The following EPS8 variants were observed in gnomAD, a reference collection of about 807,000 sequenced individuals.
EPS8 encodes EGFR pathway substrate 8, signaling adaptor, also known as epidermal growth factor receptor kinase substrate 8.
EPS8 carries 42 observed loss-of-function variants against 103.8 expected under a neutral mutation model. The observed-to-expected ratio is 0.40, with a 90% CI of 0.32 to 0.52. The LOEUF is 0.52. Among genes scored for constraint, EPS8 ranks in the 20% least tolerant of loss-of-function variants. The pLI is 0.40. For missense variants in EPS8, 969 were observed against 1,005.1 expected (o/e 0.96, Z 0.49); for synonymous variants, 344 against 344.6 (o/e 1.00, Z 0.02).
Position 15,716,049 on chromosome 12 carries a change from A to C in EPS8, c.-21-33077T>G, listed in dbSNP as rs183380336. Among the ~76,000 whole-genome samples, 4 of 152,332 alleles carry C rather than the reference A, an allele frequency of 2.6e-5. No homozygotes were observed. The highest frequency in any genetic ancestry group is 1.3e-4 in the Admixed American group (2 of 15,304). The stretch of plus-strand genomic sequence containing the variant: ...AGAAGAAAACCCTTCAAAACGAAGA[A>C]TATAATCAAAATAAACACTATAATC... On this transcript the variant is annotated intron_variant, in intron 1 of 20. Transcript: ENST00000281172. The surrounding 1 kb of genome is among the most constrained non-coding windows in gnomAD (Gnocchi z 5.0).
rs1328294845 is a variant in EPS8 at position 15,785,501 on chromosome 12, C to A, written c.-22+3660G>T. Among the ~76,000 whole-genome samples the A allele has an allele frequency of 6.6e-6, 1 of 152,090 alleles. No individual in the cohort carries two copies. Among genetic ancestry groups the A allele is most frequent in the Non-Finnish European group, 1.5e-5 (1 of 67,966 alleles). ...AATGATACCTGTGGTAATGAATTAG[C>A]ATTACAGATAAAATGTAAATTCATA... On this transcript the variant is annotated intron_variant, in intron 1 of 20. Transcript: ENST00000281172. This position sits in a 1 kb window ranked among gnomAD's most constrained non-coding sequence, Gnocchi z 4.9.
rs1162899471 is a variant in EPS8 at position 15,776,763 on chromosome 12, T to C, written c.-22+12398A>G. Among the ~76,000 whole-genome samples the C allele has an allele frequency of 6.6e-6, 1 of 152,174 alleles. No individual in the cohort carries two copies. The highest frequency in any genetic ancestry group is 1.5e-5 in the Non-Finnish European group (1 of 68,022). ...AAATGGCTGATGGGTTCTTGAGAATTTTAGCGTTTCCCCTTTTGCTACCGC... is the reference window on the plus strand; with the variant it reads ...AAATGGCTGATGGGTTCTTGAGAATCTTAGCGTTTCCCCTTTTGCTACCGC... On this transcript the variant is annotated intron_variant, in intron 1 of 20. Coordinates refer to ENST00000281172, the MANE Select transcript of EPS8 (RefSeq NM_004447.6). The surrounding 1 kb of genome is among the most constrained non-coding windows in gnomAD (Gnocchi z 4.2).
intron 17 of EPS8, among the ~76,000 whole-genome samples, chr12:15,636,437 C>T (rs925013230): frequency 3.9e-5 from 6 of 152,154 alleles, no homozygotes; most frequent in African/African-American, 1.2e-4. Context: ...GTTGTCTTTA[C>T]AGAGCTGTTA....
intron 14 of EPS8, among the ~76,000 whole-genome samples, chr12:15,647,596 C>T (rs975119199): frequency 6.6e-6 from 1 of 152,140 alleles, no homozygotes; most frequent in Non-Finnish European, 1.5e-5. Flanking sequence ...AAATTATACA[C>T]AGAACATTAT....
intron 1 of EPS8, among the ~76,000 whole-genome samples, chr12:15,741,159 C>A (rs1444611488): frequency 6.6e-6 from 1 of 152,188 alleles, no homozygotes; most frequent in African/African-American, 2.4e-5. Flanking sequence ...AGGTCCAGGA[C>A]CTTGTTCTGT....
chr12:15,784,830 C>T lies in EPS8; in HGVS notation c.-22+4331G>A, dbSNP rs753772528. Among the ~76,000 whole-genome samples, 2 of 151,980 alleles carry T rather than the reference C, an allele frequency of 1.3e-5. No individual in the cohort carries two copies. The highest frequency in any genetic ancestry group is 2.9e-5 in the Non-Finnish European group (2 of 67,952). On this transcript the variant is annotated intron_variant, in intron 1 of 20. Transcript: ENST00000281172. This position sits in a 1 kb window ranked among gnomAD's most constrained non-coding sequence, Gnocchi z 4.0. Reference sequence around the variant, plus strand: ...TAAACCTCAGGAAGACATGGATGAACCTTAAATGTGTATTGCTAAATGAAA... The same window carrying T: ...TAAACCTCAGGAAGACATGGATGAATCTTAAATGTGTATTGCTAAATGAAA...
chr12:15,737,336 G>A (rs1304720149), intron 1 of EPS8, among the ~76,000 whole-genome samples: 2 of 152,142 alleles, frequency 1.3e-5, no homozygotes, highest in Admixed American at 6.5e-5. Context: ...ACTTTAAGAA[G>A]GCTGAAACAA....
At chr12:15,768,847 C>T (rs950069188) in intron 1 of EPS8, among the ~76,000 whole-genome samples, 9 of 152,158 alleles carry the variant, frequency 5.9e-5, no homozygotes, top group African/African-American at 1.4e-4. Flanking sequence ...GTCTGGCACT[C>T]TGCAGATTCT....
At position 15,736,119 on chromosome 12, in the gene EPS8, T is replaced by C. The variant is rs2135999911; in HGVS notation, c.-22+53042A>G. Among the ~76,000 whole-genome samples, 1 of 152,266 alleles carries C rather than the reference T, an allele frequency of 6.6e-6. No individual in the cohort carries two copies. Among genetic ancestry groups the C allele is most frequent in the Non-Finnish European group, 1.5e-5 (1 of 68,016 alleles). On this transcript the variant is annotated intron_variant, in intron 1 of 20. Coordinates refer to ENST00000281172, the MANE Select transcript of EPS8 (RefSeq NM_004447.6). This position sits in a 1 kb window ranked among gnomAD's most constrained non-coding sequence, Gnocchi z 4.2. ...CCAGGCTAGTCTCAAACTCCTGAGC[T>C]CAAGCAATCCTCCTGCCTCAGCCTG...
intron 1 of EPS8, among the ~76,000 whole-genome samples, chr12:15,712,506 AT>A (rs1946478781): frequency 6.6e-6 from 1 of 152,220 alleles, no homozygotes; most frequent in African/African-American, 2.4e-5. Context: ...TATTATGCCC[AT>A]GGATTCCCAA....
At position 15,785,251 on chromosome 12, in the gene EPS8, A is replaced by C. The variant is rs374108192; in HGVS notation, c.-22+3910T>G. Among the ~76,000 whole-genome samples, 63 of 152,150 alleles carry C rather than the reference A, an allele frequency of 4.1e-4. No homozygotes were observed. The highest frequency in any genetic ancestry group is 1.5e-3 in the African/African-American group (61 of 41,468). On this transcript the variant is annotated intron_variant, in intron 1 of 20. Transcript: ENST00000281172. The surrounding 1 kb of genome is among the most constrained non-coding windows in gnomAD (Gnocchi z 4.9). Reference sequence around the variant, plus strand: ...GAAAGGTGCTTAGCTGACTAACTCTAGAAATGAGTAGAAGCTGTGAGACTA... The same window carrying C: ...GAAAGGTGCTTAGCTGACTAACTCTCGAAATGAGTAGAAGCTGTGAGACTA...
intron 3 of EPS8, chr12:15,671,729 ATT>A (rs1405205624): frequency 6.6e-6 from 1 of 152,128 alleles, no homozygotes; most frequent in African/African-American, 2.4e-5. Context: ...CACTTCATGA[ATT>A]TGAGTGCCAT....
chr12:15,705,136 T>C (rs889119713), intron 1 of EPS8, among the ~76,000 whole-genome samples: 1 of 152,232 alleles, frequency 6.6e-6, no homozygotes, highest in African/African-American at 2.4e-5. Flanking sequence ...TCCTATTTTC[T>C]GGTCCAGTTC....
rs1946713467 is a variant in EPS8 at position 15,731,304 on chromosome 12, A to C, written c.-21-48332T>G. Among the ~76,000 whole-genome samples the C allele has an allele frequency of 6.6e-6, 1 of 151,054 alleles. No homozygotes were observed. Among genetic ancestry groups the C allele is most frequent in the Admixed American group, 6.6e-5 (1 of 15,178 alleles). On this transcript the variant is annotated intron_variant, in intron 1 of 20. Transcript: ENST00000281172. This position sits in a 1 kb window ranked among gnomAD's most constrained non-coding sequence, Gnocchi z 5.1. ...TTCCACCATTAAAAATATTTAATTG[A>C]CTTTTTTTTTTTTAGATGGAGTCTC...
At position 15,641,752 on chromosome 12, in the gene EPS8, C is replaced by T. The variant is rs371372816; in HGVS notation, c.1647G>A (p.Glu549=). 6.3e-7 allele frequency: 1 copy of T among 1,588,160 alleles called. No individual in the cohort carries two copies. The highest frequency in any genetic ancestry group is 8.6e-7 in the Non-Finnish European group (1 of 1,164,716). Residue 549 remains glutamate (E), a synonymous_variant, in exon 16 of 21, where the codon GAG becomes GAA. Coordinates refer to ENST00000281172, the MANE Select transcript of EPS8 (RefSeq NM_004447.6). ...AAATATCATCCTTTAGAACCGAGAG[C>T]TCACTGTTGTTCCTTGCTACAAAGT... ...KYDFVARNNS[E]LSVLKDDILE... is the part of the protein sequence containing the mutation.
chr12:15,674,264 A>G (rs546813894), intron 3 of EPS8, among the ~76,000 whole-genome samples: 1 of 152,320 alleles, frequency 6.6e-6, no homozygotes, highest in Non-Finnish European at 1.5e-5. Flanking sequence ...CTAAAAACAA[A>G]AATGTTCCTT....
At chr12:15,718,761 A>G (rs1946560537) in intron 1 of EPS8, among the ~76,000 whole-genome samples, 1 of 152,150 alleles carries the variant, frequency 6.6e-6, no homozygotes, top group South Asian at 2.1e-4. Flanking sequence ...TTAAACCTAC[A>G]ATGTCCTCAA....
At chr12:15,636,931 A>G (rs1392191654) in intron 17 of EPS8, among the ~76,000 whole-genome samples, 2 of 152,264 alleles carry the variant, frequency 1.3e-5, no homozygotes, top group African/African-American at 4.8e-5. Context: ...AATGCAAAGT[A>G]AAGCTATTCT....
rs976286828 is a variant in EPS8 at position 15,735,446 on chromosome 12, C to T, written c.-21-52474G>A. On this transcript the variant is annotated intron_variant, in intron 1 of 20. Coordinates refer to ENST00000281172, the MANE Select transcript of EPS8 (RefSeq NM_004447.6). The surrounding 1 kb of genome is among the most constrained non-coding windows in gnomAD (Gnocchi z 4.4). ...AAATATTGTCTTATGGCGCATCCCA[C>T]GTTAATGCTACTTGACTTAATCCTT... is the stretch of plus-strand genomic sequence containing the variant. Among the ~76,000 whole-genome samples, 2 of 152,106 alleles carry T rather than the reference C, an allele frequency of 1.3e-5. No individual in the cohort carries two copies. Among genetic ancestry groups the T allele is most frequent in the African/African-American group, 2.4e-5 (1 of 41,402 alleles).
Sources: gnomAD v4.1 joint callset for allele counts (sites outside exome capture counted in the v4.1 genomes callset) on GRCh38, gnomAD v4.1.1 for gene constraint, Gnocchi (gnomAD v3.1) non-coding constraint, MANE v1.5 for transcripts, NCBI Gene and HGNC (gene_info 2026-07-23, HGNC 2026-07-21) for gene names.